Variants in SPATA13 observed in about 807,000 individuals in gnomAD.
SPATA13 encodes spermatogenesis associated 13, also known as spermatogenesis-associated protein 13.
A neutral mutation model predicts 104.0 loss-of-function variants in SPATA13; 50 were observed. The observed-to-expected ratio is 0.48, with a 90% CI of 0.38 to 0.61. SPATA13 has a LOEUF of 0.61. Ranked by LOEUF, SPATA13 falls within the 20% of genes least tolerant of loss-of-function variation. The pLI is 0.00. For synonymous variants in SPATA13, 606 were observed against 667.5 expected, an observed-to-expected ratio of 0.91 and a Z score of 1.42; for missense variants, 1,524 against 1,690.6, an observed-to-expected ratio of 0.90 and a Z score of 1.73.
chr13:24,177,527 G>A (rs1029124314), intron 1 of SPATA13, among the ~76,000 whole-genome samples: 2 of 152,098 alleles, frequency 1.3e-5, no homozygotes, highest in South Asian at 2.1e-4. Context: ...CTCTGCAATC[G>A]TAGTTCACTG....
At chr13:24,058,194 C>A (rs2137750839) in intron 3 of SPATA13, among the ~76,000 whole-genome samples, 1 of 151,792 alleles carries the variant, frequency 6.6e-6, no homozygotes, top group East Asian at 1.9e-4. Flanking sequence ...AGAAAGCTTA[C>A]ATAGGATGAC....
intron 3 of SPATA13, among the ~76,000 whole-genome samples, chr13:24,116,417 T>C (rs1880840791): frequency 6.6e-6 from 1 of 152,042 alleles, no homozygotes; most frequent in African/African-American, 2.4e-5. Flanking sequence ...GACATATACA[T>C]TGAGATCTGA....
At chr13:23,994,878 A>G (rs1875602621) in intron 2 of SPATA13, among the ~76,000 whole-genome samples, 1 of 152,220 alleles carries the variant, frequency 6.6e-6, no homozygotes, top group Non-Finnish European at 1.5e-5. Flanking sequence ...AGTTAAAAGC[A>G]TATCAGCACA....
At chr13:24,042,836 A>C (rs2137730979) in intron 3 of SPATA13, among the ~76,000 whole-genome samples, 1 of 152,360 alleles carries the variant, frequency 6.6e-6, no homozygotes, top group East Asian at 1.9e-4. Context: ...ATGTGGTCTG[A>C]GAATCGCATG....
chr13:24,130,149 C>T (rs1414132375), intron 3 of SPATA13, among the ~76,000 whole-genome samples: 3 of 152,198 alleles, frequency 2.0e-5, no homozygotes, highest in South Asian at 2.1e-4. Flanking sequence ...CAGGTTTGCA[C>T]CCTGCCTGGG....
intron 3 of SPATA13, among the ~76,000 whole-genome samples, chr13:24,119,001 G>A (rs942018870): frequency 1.3e-5 from 2 of 151,784 alleles, no homozygotes; most frequent in African/African-American, 4.8e-5. Flanking sequence ...CACCTCCTGG[G>A]TTCAAGTGAT....
intron 8 of SPATA13, among the ~76,000 whole-genome samples, chr13:24,289,685 C>G (rs573788914): frequency 6.6e-6 from 1 of 152,284 alleles, no homozygotes; most frequent in East Asian, 1.9e-4. Flanking sequence ...GCATGCGGCT[C>G]CAGGACGCAT....
chr13:24,294,769 G>A lies in SPATA13; in HGVS notation c.3111G>A (p.Glu1037=). ...ACAGCAACATAAAGGCAGCATATGA[G>A]GCCATGAAGAATGTGGCCTGTCTGA... ...GDYSNIKAAY[E]AMKNVACLIN... The change falls in exon 10 of 13, where the codon GAG becomes GAA. Residue 1037 remains glutamate (E), a synonymous_variant. Transcript: ENST00000382108. The A allele has an allele frequency of 1.9e-6, 3 of 1,606,238 alleles. No individual in the cohort carries two copies. Among genetic ancestry groups the A allele is most frequent in the Non-Finnish European group, 2.6e-6 (3 of 1,173,316 alleles).
rs995721215 is a variant in SPATA13, at chr13:24,114,158, A to G, written c.-112+96457A>G. ...AGATTGTATAATTCAGATGTGCTAC[A>G]AGGTGCAACAGAAGCTTTCCAGAAA... On this transcript the variant is annotated intron_variant, in intron 3 of 14. Coordinates refer to the SPATA13 transcript ENST00000424834. Among the ~76,000 whole-genome samples, 7 of 152,384 alleles carry G rather than the reference A, an allele frequency of 4.6e-5. No homozygotes were observed. In the East Asian group the frequency reaches 5.8e-4, roughly 13 times the overall value.
chr13:24,062,401 GCA>G (rs1878802561), intron 3 of SPATA13, among the ~76,000 whole-genome samples: 1 of 152,202 alleles, frequency 6.6e-6, no homozygotes, highest in East Asian at 1.9e-4. Flanking sequence ...AGAGCTGAGG[GCA>G]CACAGTCAGG....
chr13:24,229,950 TTGCAGTTC>T (rs1297762656), intron 2 of SPATA13, among the ~76,000 whole-genome samples: 1 of 152,188 alleles, frequency 6.6e-6, no homozygotes, highest in African/African-American at 2.4e-5. Flanking sequence ...TTCAGAGGAC[TTGCAGTTC>T]TCACCCATGT....
rs139137083 is a variant in SPATA13 at position 24,232,851 on chromosome 13, G to A, written c.1653+8269G>A. 5.3e-4 allele frequency among the ~76,000 whole-genome samples: 81 copies of A among 152,304 alleles called. 1 individual carries two copies. Among genetic ancestry groups the A allele is most frequent in the African/African-American group, 1.8e-3 (74 of 41,566 alleles). The stretch of plus-strand genomic sequence containing the variant: ...GGCATGAGCCACCACTCTCAGCCCA[G>A]TTTTATAATATTTTTTAAAGAGTCA... On this transcript the variant is annotated intron_variant, in intron 2 of 12. Coordinates refer to ENST00000382108, the MANE Select transcript of SPATA13 (RefSeq NM_001166271.3).
intron 10 of SPATA13, among the ~76,000 whole-genome samples, chr13:24,296,887 T>C (rs1876821243): frequency 1.4e-5 from 2 of 147,624 alleles, no homozygotes. Flanking sequence ...TTTGAGGCCC[T>C]GCCCACCTGT....
chr13:24,135,646 T>C (rs938128741), intron 3 of SPATA13, among the ~76,000 whole-genome samples: 10 of 137,386 alleles, frequency 7.3e-5, no homozygotes, highest in African/African-American at 1.4e-4. Flanking sequence ...TGCAGTGAGC[T>C]GAGATCCCAC....
chr13:24,271,412 G>C (rs4770640), intron 4 of SPATA13, among the ~76,000 whole-genome samples: 1 of 152,030 alleles, frequency 6.6e-6, no homozygotes, highest in African/African-American at 2.4e-5. Flanking sequence ...AAGGCTGTGA[G>C]CTGATCTTTG....
At chr13:24,058,965 TTTTTG>T (rs551360547) in intron 3 of SPATA13, among the ~76,000 whole-genome samples, 3 of 149,688 alleles carry the variant, frequency 2.0e-5, no homozygotes, top group Non-Finnish European at 4.5e-5. Context: ...TGTGTATTGT[TTTTTG>T]TTTTGTTTTG....
chr13:24,291,403 A>G (rs1056307894), intron 9 of SPATA13, among the ~76,000 whole-genome samples: 7 of 152,168 alleles, frequency 4.6e-5, no homozygotes, highest in Admixed American at 3.9e-4. Context: ...CCCCTTCTCT[A>G]TTTAGAAGGG....
rs1876279983 is a variant in SPATA13 at position 24,290,643 on chromosome 13, C to T, written c.2848-9C>T. The stretch of plus-strand genomic sequence containing the variant: ...CAGAAGCTGACGAAGCTGTACTTTT[C>T]CTTCCCAGCAAGAGGGCTTTGCCAT... On this transcript the variant is annotated splice_polypyrimidine_tract_variant and intron_variant, in intron 8 of 12. Transcript: ENST00000382108. 2 of 1,612,830 alleles carry T rather than the reference C, an allele frequency of 1.2e-6. No individual in the cohort carries two copies. The highest frequency in any genetic ancestry group is 2.2e-5 in the East Asian group (1 of 44,882).
intron 1 of SPATA13, among the ~76,000 whole-genome samples, chr13:24,172,552 C>T (rs2264962): frequency 6.6e-6 from 1 of 151,962 alleles, no homozygotes; most frequent in Admixed American, 6.6e-5. Context: ...AGATTTAGGT[C>T]AGTGTTTTTT....
Sources: gnomAD v4.1 joint callset for allele counts (sites outside exome capture counted in the v4.1 genomes callset) on GRCh38, gnomAD v4.1.1 for gene constraint, MANE v1.5 for transcripts, NCBI Gene and HGNC (gene_info 2026-07-23, HGNC 2026-07-21) for gene names.